ATP2B4: variants seen among roughly 807,000 people sequenced by gnomAD.
ATP2B4 encodes ATPase plasma membrane Ca2+ transporting 4, also known as plasma membrane calcium-transporting ATPase 4.
Under a neutral mutation model 110.3 loss-of-function variants are expected in ATP2B4, and 39 were observed. That is an observed-to-expected ratio of 0.35 (90% CI 0.27 to 0.46). ATP2B4 has a LOEUF of 0.46. ATP2B4 is among the 20% of genes least tolerant of loss of function. The pLI is 1.00. For synonymous variants in ATP2B4, 538 were observed against 571.7 expected (o/e 0.94, Z 0.84); for missense variants, 1,135 against 1,530.9 (o/e 0.74, Z 4.32).
At chr1:203,706,826 C>G (rs78093017) in intron 8 of ATP2B4, among the ~76,000 whole-genome samples, 183 bp from the exon 9 acceptor site, 2,001 of 152,262 alleles carry the variant, frequency 0.013, 36 homozygotes, top group African/African-American at 0.039. Context: ...TACGAAACCA[C>G]TGTCTGTTCC....
Position 203,652,208 on chromosome 1 carries a change from A to G in ATP2B4, c.-465+24989A>G, listed in dbSNP as rs537176424. On this transcript the variant is annotated intron_variant, in intron 1 of 20. Transcript: ENST00000357681. ...CCCCTAAGCTGGAGTGCAGTGGCACAATCTCAGCTCACTGCAGCCTCCGTT... is the reference window on the plus strand; with the variant it reads ...CCCCTAAGCTGGAGTGCAGTGGCACGATCTCAGCTCACTGCAGCCTCCGTT... 5.3e-5 allele frequency among the ~76,000 whole-genome samples: 8 copies of G among 150,714 alleles called. No homozygotes were observed. The South Asian group carries it at 1.7e-3, about 32-fold the overall frequency.
At chr1:203,635,447 T>C (rs1663409752) in intron 1 of ATP2B4, among the ~76,000 whole-genome samples, 1 of 152,146 alleles carries the variant, frequency 6.6e-6, no homozygotes, top group Non-Finnish European at 1.5e-5. Context: ...TTTGTTGTTA[T>C]TGTTGTTTTG....
intron 2 of ATP2B4, among the ~76,000 whole-genome samples, chr1:203,693,256 G>T (rs1571729852): frequency 6.6e-6 from 1 of 152,254 alleles, no homozygotes; most frequent in African/African-American, 2.4e-5. Context: ...AATTGGAATG[G>T]AAAGCCCAAA....
In ATP2B4 at chr1:203,700,257, T is replaced by C. The variant is rs745989358; in HGVS notation, c.701T>C (p.Ile234Thr). ...GILIQGNDLK[I>T]DESSLTGESD... ...CTGATCCAAGGGAATGATCTGAAGA[T>C]TGATGAGAGCTCTCTGACAGGGGAA... The change falls in exon 5 of 21, where the codon ATT becomes ACT. Residue 234 changes from isoleucine to threonine, a missense_variant. Transcript: ENST00000357681. 42 of 1,613,894 alleles carry C rather than the reference T, an allele frequency of 2.6e-5. No individual in the cohort carries two copies. Among genetic ancestry groups the C allele is most frequent in the South Asian group, 3.3e-5 (3 of 91,084 alleles).
chr1:203,706,050 T>C (rs1665839767), intron 8 of ATP2B4, among the ~76,000 whole-genome samples: 1 of 152,226 alleles, frequency 6.6e-6, no homozygotes, highest in Admixed American at 6.5e-5. Context: ...TTCCCAAATA[T>C]TGTGCCACAG....
chr1:203,657,338 A>G, intron 1 of ATP2B4: 1 of 745,454 alleles, frequency 1.3e-6, no homozygotes, highest in Non-Finnish European at 2.5e-6. Context: ...TTCCTGTTCA[A>G]ACAACTTTTA....
intron 20 of ATP2B4, 140 bp downstream of exon 20, chr1:203,727,711 G>A (rs1001954891): frequency 9.6e-7 from 1 of 1,040,660 alleles, no homozygotes; most frequent in Admixed American, 2.8e-5. Flanking sequence ...TAGATCCTCA[G>A]CTTCAGGACA....
At position 203,703,813 on chromosome 1, in the gene ATP2B4, G is replaced by A; in HGVS notation, c.1099G>A (p.Gly367Ser). The stretch of plus-strand genomic sequence containing the variant: ...CCTGGCTGTTCAGATTGGGAAAGCC[G>A]GTGAGTAGGGTAGAGCCTCGTTGTG... ...TRLAVQIGKA[G>S]LLMSALTVFI... The change falls in exon 8 of 21, where the codon GGT (glycine) becomes AGT (serine). Residue 367 changes from glycine to serine, a missense_variant and splice_region_variant. Gly to Ser is a moderately conservative substitution (Grantham distance 56, BLOSUM62 0). Coordinates refer to ENST00000357681, the MANE Select transcript of ATP2B4 (RefSeq NM_001684.5). 2 of 1,613,448 alleles carry A rather than the reference G, an allele frequency of 1.2e-6. No individual in the cohort carries two copies. The highest frequency in any genetic ancestry group is 1.7e-6 in the Non-Finnish European group (2 of 1,179,612).
chr1:203,629,777 A>G lies in ATP2B4; in HGVS notation c.-465+2558A>G, dbSNP rs1217505398. On this transcript the variant is annotated intron_variant, in intron 1 of 20. Transcript: ENST00000357681. The surrounding 1 kb of genome is among the most constrained non-coding windows in gnomAD (Gnocchi z 4.6). Reference sequence around the variant, plus strand: ...CGAGCCTCAGACCCTTCTCCCTTCCATTTACCACCAAGTCTCTAGATTCAA... The same window carrying G: ...CGAGCCTCAGACCCTTCTCCCTTCCGTTTACCACCAAGTCTCTAGATTCAA... Among the ~76,000 whole-genome samples the G allele has an allele frequency of 6.6e-6, 1 of 151,914 alleles. No individual in the cohort carries two copies. The highest frequency in any genetic ancestry group is 2.4e-5 in the African/African-American group (1 of 41,366).
At position 203,740,091 on chromosome 1, in the gene ATP2B4, T is replaced by C; in HGVS notation, c.*237T>C. On this transcript the variant is annotated 3_prime_UTR_variant, in exon 21 of 21. Coordinates refer to ENST00000357681, the MANE Select transcript of ATP2B4 (RefSeq NM_001684.5). ...CAGTCAAACCCCATTCAGGTCATGG[T>C]AGAATCTACTCCTTGGTAGTCACTT... 1 of 518,260 alleles carries C rather than the reference T, an allele frequency of 1.9e-6. No individual in the cohort carries two copies. The highest frequency in any genetic ancestry group is 3.4e-6 in the Non-Finnish European group (1 of 293,660). 32.1% of individuals were successfully genotyped at this position (518,260 alleles called of 1,614,324 possible).
chr1:203,665,314 T>C (rs1439863371), intron 1 of ATP2B4, among the ~76,000 whole-genome samples: 1 of 152,164 alleles, frequency 6.6e-6, no homozygotes, highest in East Asian at 1.9e-4. Context: ...GAGCCCTTAG[T>C]GGGAGGCCCA....
chr1:203,671,603 C>T (rs549675521), intron 1 of ATP2B4, among the ~76,000 whole-genome samples: 3 of 152,276 alleles, frequency 2.0e-5, no homozygotes, highest in East Asian at 1.9e-4. Context: ...CCTAACCCCT[C>T]GGCCAAAAAC....
chr1:203,733,176 C>T lies in ATP2B4; in HGVS notation c.3309+5605C>T, dbSNP rs150501802. The T allele has an allele frequency of 4.1e-4, 644 of 1,557,772 alleles. 2 individuals carry two copies. The highest frequency in any genetic ancestry group is 2.1e-3 in the Middle Eastern group (12 of 5,706). ...TCCCTTCCTCTTTCTTCACCTCTCT[C>T]GGACTGACTGTGGAGCAAAGCTGTC... On this transcript the variant is annotated intron_variant, in intron 20 of 20. Coordinates refer to ENST00000357681, the MANE Select transcript of ATP2B4 (RefSeq NM_001684.5).
intron 1 of ATP2B4, among the ~76,000 whole-genome samples, chr1:203,633,747 G>A (rs1312228626): frequency 4.9e-5 from 2 of 40,706 alleles, no homozygotes; most frequent in Non-Finnish European, 6.7e-5. Flanking sequence ...AATAAATAAA[G>A]TAAATGCCAA....
At chr1:203,669,726 C>T (rs892224079) in intron 1 of ATP2B4, among the ~76,000 whole-genome samples, 10 of 152,148 alleles carry the variant, frequency 6.6e-5, no homozygotes, top group Non-Finnish European at 1.5e-4. Flanking sequence ...CGTGAGCCAC[C>T]GTTCCTGGCC....
chr1:203,723,467 C>CTCTCTCT (rs1558052484), intron 18 of ATP2B4, among the ~76,000 whole-genome samples: 1 of 74,128 alleles, frequency 1.3e-5, no homozygotes, highest in Non-Finnish European at 2.7e-5. Flanking sequence ...TCTCCCTCTG[C>CTCTCTCT]CTCTCTCTCT....
At chr1:203,651,585 G>C (rs1348432065) in intron 1 of ATP2B4, among the ~76,000 whole-genome samples, 1 of 152,032 alleles carries the variant, frequency 6.6e-6, no homozygotes, top group Non-Finnish European at 1.5e-5. Context: ...ATTTGTACTT[G>C]CTTTATATGC....
At chr1:203,646,639 T>C (rs1013807331) in intron 1 of ATP2B4, among the ~76,000 whole-genome samples, 11 of 152,112 alleles carry the variant, frequency 7.2e-5, no homozygotes, top group Non-Finnish European at 7.4e-5. Context: ...GGCACATACC[T>C]GTAATCCCAG....
In ATP2B4 at chr1:203,708,058, T is replaced by C; in HGVS notation, c.1511T>C (p.Ile504Thr). 2 of 1,614,186 alleles carry C rather than the reference T, an allele frequency of 1.2e-6. No homozygotes were observed. The highest frequency in any genetic ancestry group is 1.7e-6 in the Non-Finnish European group (2 of 1,180,022). The change falls in exon 10 of 21, where the codon ATT (isoleucine) becomes ACT (threonine). Residue 504 changes from isoleucine to threonine, a missense_variant. This residue lies in a region of ATP2B4 where 368 missense variants were observed against 455.9 expected (regional missense o/e 0.81). Transcript: ENST00000357681. ...TTCCTGCCCAAAGTCCTGGACCTCA[T>C]TGTCAATGGCATTTCTATCAACAGT... is the stretch of plus-strand genomic sequence containing the variant. ...DVFLPKVLDL[I>T]VNGISINSAY...
Sources: allele counts gnomAD v4.1 joint callset (sites outside exome capture counted in the v4.1 genomes callset), GRCh38; gene constraint gnomAD v4.1.1; regional missense constraint gnomAD v4.1.1; non-coding constraint Gnocchi (gnomAD v3.1); transcripts MANE v1.5; gene names NCBI Gene and HGNC (gene_info 2026-07-23, HGNC 2026-07-21).